The following SKAP1 variants were observed in gnomAD, a reference collection of about 807,000 sequenced individuals.
The protein encoded by SKAP1 is src kinase-associated phosphoprotein 1.
In SKAP1, 44 loss-of-function variants were observed where a neutral mutation model predicts 58.5. The observed-to-expected ratio is 0.75, with a 90% CI of 0.59 to 0.97. The LOEUF (loss-of-function observed/expected upper bound fraction) is 0.97, where lower values mean the gene tolerates loss of function less well. SKAP1 is among the 50% of genes least tolerant of loss of function. SKAP1 has a pLI of 0.00. For missense variants in SKAP1, 390 were observed against 435.2 expected (o/e 0.90, Z 0.92); for synonymous variants, 127 against 149.7 (o/e 0.85, Z 1.11).
intron 3 of SKAP1, among the ~76,000 whole-genome samples, chr17:48,363,230 G>T (rs747946146): frequency 5.9e-5 from 9 of 152,104 alleles, no homozygotes; most frequent in South Asian, 2.1e-4. Flanking sequence ...GCAAAAGCAG[G>T]AAAACAATGG....
At chr17:48,440,835 C>A in the SKAP1 span, among the ~76,000 whole-genome samples, 1 of 152,180 alleles carries the variant, frequency 6.6e-6, no homozygotes, top group African/African-American at 2.4e-5. Flanking sequence ...AACCAGGATG[C>A]ATTTTTTCTA....
chr17:48,183,909 T>C (rs1175717873), intron 7 of SKAP1, among the ~76,000 whole-genome samples: 1 of 152,190 alleles, frequency 6.6e-6, no homozygotes, highest in African/African-American at 2.4e-5. Context: ...ACTCTTAGTA[T>C]GGTGTTTTCC....
At position 48,250,272 on chromosome 17, in the gene SKAP1, G is replaced by GTTT. The variant is rs755523173; in HGVS notation, c.281-60775_281-60773dup. 5.3e-4 allele frequency among the ~76,000 whole-genome samples: 39 copies of GTTT among 74,046 alleles called. 2 individuals are homozygous for GTTT. The highest frequency in any genetic ancestry group is 1.9e-3 in the African/African-American group (36 of 18,640). The allele number at this position is 74,046 out of a possible 152,430, so 48.6% of individuals were successfully genotyped here. A position where few individuals can be genotyped will look rare whatever the true frequency, so the allele number is the denominator to read the frequency against. ...TACATATATTTTGCTGCCATAGACAGTTTTTTTTTTTTTTTTTTTTTTTTT... is the reference window on the plus strand; with the variant it reads ...TACATATATTTTGCTGCCATAGACAGTTTTTTTTTTTTTTTTTTTTTTTTTTTT... On this transcript the variant is annotated intron_variant, in intron 4 of 12. Coordinates refer to ENST00000336915, the MANE Select transcript of SKAP1 (RefSeq NM_003726.4).
intron 3 of SKAP1, among the ~76,000 whole-genome samples, chr17:48,360,448 A>G (rs942975675): frequency 6.6e-6 from 1 of 152,172 alleles, no homozygotes; most frequent in Non-Finnish European, 1.5e-5. Context: ...ATATTCCCTT[A>G]TCGATATCAC....
At chr17:48,313,485 T>C (rs1008875007) in intron 4 of SKAP1, among the ~76,000 whole-genome samples, 7 of 152,162 alleles carry the variant, frequency 4.6e-5, no homozygotes, top group African/African-American at 1.4e-4. Flanking sequence ...CTGAACCCAC[T>C]ATTCCTTCAA....
At chr17:48,325,155 A>G (rs2066418283) in intron 4 of SKAP1, among the ~76,000 whole-genome samples, 2 of 146,164 alleles carry the variant, frequency 1.4e-5, no homozygotes, top group African/African-American at 5.1e-5. Context: ...AGGCTGAGGC[A>G]GGAGAATGGC....
chr17:48,212,831 C>T (rs961727384), intron 4 of SKAP1, among the ~76,000 whole-genome samples: 3 of 152,080 alleles, frequency 2.0e-5, no homozygotes, highest in Non-Finnish European at 4.4e-5. Context: ...GGCTATTTAC[C>T]TCAGTTAGAT....
intron 2 of SKAP1, among the ~76,000 whole-genome samples, chr17:48,373,464 C>T (rs1226154306): frequency 6.6e-6 from 1 of 152,046 alleles, no homozygotes; most frequent in Non-Finnish European, 1.5e-5. Flanking sequence ...GTTCCAGAGC[C>T]CAAGCTCTTA....
In SKAP1 at chr17:48,210,221, T is replaced by G. The variant is rs554042837; in HGVS notation, c.281-20721A>C. On this transcript the variant is annotated intron_variant, in intron 4 of 12. Transcript: ENST00000336915. Reference sequence around the variant, plus strand: ...GGCTGGCACTGTTATACGGAGCCATTATCAGTCATCGACACCTTGGAGCCG... The same window carrying G: ...GGCTGGCACTGTTATACGGAGCCATGATCAGTCATCGACACCTTGGAGCCG... Among the ~76,000 whole-genome samples, 13 of 152,270 alleles carry G rather than the reference T, an allele frequency of 8.5e-5. No homozygotes were observed. In the East Asian group the frequency reaches 2.1e-3, roughly 25 times the overall value.
chr17:48,430,141 CG>C lies in SKAP1; in HGVS notation c.-22del. 8.1e-7 allele frequency: 1 copy of C among 1,234,066 alleles called. No individual in the cohort carries two copies. Among genetic ancestry groups the C allele is most frequent in the Non-Finnish European group, 1.0e-6 (1 of 979,112 alleles). The allele number at this position is 1,234,066 out of a possible 1,614,324, so 76.4% of individuals were successfully genotyped here. A position where few individuals can be genotyped will look rare whatever the true frequency, so the allele number is the denominator to read the frequency against. The stretch of plus-strand genomic sequence containing the variant: ...TGCATTTGGCTGGGCGGGAGAGAGG[CG>C]GGACGGGGCGCGGGCCCTGGTCGGG... On this transcript the variant is annotated 5_prime_UTR_variant, in exon 1 of 13. Transcript: ENST00000336915.
At chr17:48,444,052 A>C in the SKAP1 span, among the ~76,000 whole-genome samples, 2 of 152,090 alleles carry the variant, frequency 1.3e-5, no homozygotes, top group Non-Finnish European at 2.9e-5. Context: ...CTTTTCCCTA[A>C]AAACTTCAAC....
intron 1 of SKAP1, among the ~76,000 whole-genome samples, chr17:48,398,774 C>A (rs560379391): frequency 6.6e-6 from 1 of 152,256 alleles, no homozygotes; most frequent in South Asian, 2.1e-4. Flanking sequence ...GTAATCCCAG[C>A]ACTTTGGGAG....
intron 11 of SKAP1, among the ~76,000 whole-genome samples, chr17:48,143,336 G>A (rs1224605100): frequency 1.3e-5 from 2 of 151,458 alleles, no homozygotes; most frequent in African/African-American, 4.9e-5. Flanking sequence ...GGGACCACAG[G>A]TGCATGCCAC....
chr17:48,272,139 C>T (rs1598494680), intron 4 of SKAP1, among the ~76,000 whole-genome samples: 1 of 147,474 alleles, frequency 6.8e-6, no homozygotes. Context: ...AATTGTCTTC[C>T]TTTTTTTTTT....
intron 4 of SKAP1, among the ~76,000 whole-genome samples, chr17:48,206,503 A>T (rs2064812406): frequency 6.6e-6 from 1 of 152,130 alleles, no homozygotes; most frequent in South Asian, 2.1e-4. Flanking sequence ...ATAAGGGTTG[A>T]CGTAAATAAT....
chr17:48,312,273 C>G (rs547465190), intron 4 of SKAP1, among the ~76,000 whole-genome samples: 1 of 152,238 alleles, frequency 6.6e-6, no homozygotes, highest in South Asian at 2.1e-4. Flanking sequence ...AAGGTAAAAT[C>G]TGATTGGGTG....
intron 1 of SKAP1, among the ~76,000 whole-genome samples, chr17:48,427,972 T>C (rs959584963): frequency 6.6e-5 from 10 of 152,218 alleles, no homozygotes; most frequent in Non-Finnish European, 1.2e-4. Flanking sequence ...TTTGGGTTTC[T>C]AATATGGACA....
chr17:48,196,116 C>G (rs1364575157), intron 4 of SKAP1, among the ~76,000 whole-genome samples: 1 of 152,152 alleles, frequency 6.6e-6, no homozygotes, highest in Non-Finnish European at 1.5e-5. Flanking sequence ...ACTTTACAGA[C>G]TAGGAAACTG....
chr17:48,265,855 C>T (rs148517929), intron 4 of SKAP1, among the ~76,000 whole-genome samples: 87 of 152,216 alleles, frequency 5.7e-4, no homozygotes, highest in African/African-American at 2.0e-3. Flanking sequence ...CAAATGCCTC[C>T]CCTGTTAGAA....
Sources: allele counts gnomAD v4.1 joint callset (sites outside exome capture counted in the v4.1 genomes callset), GRCh38; gene constraint gnomAD v4.1.1; transcripts MANE v1.5; gene names NCBI Gene and HGNC (gene_info 2026-07-23, HGNC 2026-07-21).